The following PPFIA2 variants were observed in gnomAD, a reference collection of about 807,000 sequenced individuals.
PPFIA2 encodes PPFI scaffold protein A2, also known as liprin-alpha-2.
In PPFIA2, 46 loss-of-function variants were observed where a neutral mutation model predicts 175.5. The observed-to-expected ratio is 0.26, with a 90% CI of 0.21 to 0.34. The LOEUF is 0.34. PPFIA2 is among the 10% of genes least tolerant of loss of function. The pLI is 1.00. For missense variants in PPFIA2, 1,179 were observed against 1,506.1 expected, an observed-to-expected ratio of 0.78 and a Z score of 3.60; for synonymous variants, 568 against 511.4, an observed-to-expected ratio of 1.11 and a Z score of -1.49.
At chr12:81,492,364 ACTC>A (rs1448818770) in intron 4 of PPFIA2, among the ~76,000 whole-genome samples, 1 of 152,068 alleles carries the variant, frequency 6.6e-6, no homozygotes, top group Non-Finnish European at 1.5e-5. Flanking sequence ...AACAGATCAA[ACTC>A]CTTGCCCCTA....
intron 3 of PPFIA2, among the ~76,000 whole-genome samples, chr12:81,701,549 T>G (rs773537428): frequency 6.6e-5 from 10 of 152,140 alleles, no homozygotes; most frequent in Non-Finnish European, 1.5e-4. Flanking sequence ...CTCTGAAACT[T>G]TCTAAATGCA....
chr12:81,744,681 C>T (rs1195867881), intron 3 of PPFIA2, among the ~76,000 whole-genome samples: 2 of 152,160 alleles, frequency 1.3e-5, no homozygotes, highest in Non-Finnish European at 2.9e-5. Context: ...CCACCTTGGC[C>T]TCCCAAAGTG....
At chr12:81,302,226 T>A (rs1347269401) in intron 22 of PPFIA2, 2 of 406,578 alleles carry the variant, frequency 4.9e-6, no homozygotes, top group South Asian at 1.8e-5. Context: ...AAGAACAAAT[T>A]TTTTTCTTGC....
intron 15 of PPFIA2, among the ~76,000 whole-genome samples, chr12:81,358,794 A>G (rs139431471): frequency 6.6e-6 from 1 of 152,240 alleles, no homozygotes; most frequent in East Asian, 1.9e-4. Context: ...TCTTATTTTT[A>G]TAAAAGAAAA....
chr12:81,429,062 T>C (rs2047645123), intron 7 of PPFIA2, among the ~76,000 whole-genome samples: 1 of 151,944 alleles, frequency 6.6e-6, no homozygotes, highest in African/African-American at 2.4e-5. Flanking sequence ...TAACTGAAAA[T>C]TGGTCATGGA....
chr12:81,547,745 T>C (rs1173413634), intron 4 of PPFIA2, among the ~76,000 whole-genome samples: 2 of 152,126 alleles, frequency 1.3e-5, no homozygotes, highest in African/African-American at 4.8e-5. Context: ...GTGAGTAATA[T>C]TTTAACCAGA....
At chr12:81,341,776 A>C (rs2058128670) in intron 19 of PPFIA2, among the ~76,000 whole-genome samples, 1 of 152,132 alleles carries the variant, frequency 6.6e-6, no homozygotes, top group Non-Finnish European at 1.5e-5. Context: ...TAAACTCTTT[A>C]CAAAAAGGTA....
At chr12:81,290,423 A>G (rs1388624705) in intron 24 of PPFIA2, among the ~76,000 whole-genome samples, 3 of 151,878 alleles carry the variant, frequency 2.0e-5, no homozygotes, top group African/African-American at 7.2e-5. Flanking sequence ...GCTACCATGT[A>G]GAGTGAGTAG....
chr12:81,733,203 T>C (rs2081143020), intron 3 of PPFIA2, among the ~76,000 whole-genome samples: 1 of 151,598 alleles, frequency 6.6e-6, no homozygotes, highest in Admixed American at 6.6e-5. Context: ...AGAATATCTC[T>C]CTTTTTAGGT....
At chr12:81,603,882 T>G (rs2060034751) in intron 4 of PPFIA2, among the ~76,000 whole-genome samples, 1 of 151,406 alleles carries the variant, frequency 6.6e-6, no homozygotes, top group Non-Finnish European at 1.5e-5. Flanking sequence ...ACTGTTTTCC[T>G]TTCTCTTCCA....
At chr12:81,709,729 C>A (rs957411049) in intron 3 of PPFIA2, among the ~76,000 whole-genome samples, 4 of 152,022 alleles carry the variant, frequency 2.6e-5, no homozygotes, top group African/African-American at 9.7e-5. Context: ...ATTATCAAAT[C>A]TCCTGTGTTG....
chr12:81,331,109 C>G (rs562272654), intron 21 of PPFIA2, among the ~76,000 whole-genome samples: 1 of 152,314 alleles, frequency 6.6e-6, no homozygotes, highest in Admixed American at 6.5e-5. Flanking sequence ...TAGAAAAATA[C>G]AGTCATGCGC....
At chr12:81,698,763 TACAC>T (rs67686939) in intron 3 of PPFIA2, among the ~76,000 whole-genome samples, 2 of 132,094 alleles carry the variant, frequency 1.5e-5, no homozygotes, top group East Asian at 2.1e-4. Context: ...TAGTCCTTTA[TACAC>T]ACACACACAC....
At chr12:81,660,856 A>C (rs2068713222) in intron 4 of PPFIA2, among the ~76,000 whole-genome samples, 5 of 152,246 alleles carry the variant, frequency 3.3e-5, no homozygotes. Context: ...CTCTCGGCAG[A>C]AACTCTACAA....
chr12:81,413,021 G>T (rs1167784545), intron 7 of PPFIA2, among the ~76,000 whole-genome samples: 1 of 151,820 alleles, frequency 6.6e-6, no homozygotes, highest in Admixed American at 6.6e-5. Flanking sequence ...TCTTTCAGAT[G>T]AATTCGGGGA....
intron 4 of PPFIA2, among the ~76,000 whole-genome samples, chr12:81,667,301 C>T (rs1208205429): frequency 6.6e-6 from 1 of 152,058 alleles, no homozygotes; most frequent in African/African-American, 2.4e-5. Flanking sequence ...TTTACCTCAA[C>T]GAAAATAGAT....
intron 4 of PPFIA2, among the ~76,000 whole-genome samples, chr12:81,584,444 C>A (rs1356712254): frequency 6.6e-6 from 1 of 151,720 alleles, no homozygotes; most frequent in African/African-American, 2.4e-5. Flanking sequence ...GCTGGATCAT[C>A]TTAAAAAGAG....
At chr12:81,389,641 T>A (rs751171072) in intron 8 of PPFIA2, among the ~76,000 whole-genome samples, 2 of 152,090 alleles carry the variant, frequency 1.3e-5, no homozygotes, top group Non-Finnish European at 2.9e-5. Context: ...GAATAAAAAG[T>A]CATATTAAAA....
intron 4 of PPFIA2, among the ~76,000 whole-genome samples, chr12:81,555,665 TA>T (rs1275268928): frequency 2.0e-5 from 3 of 151,978 alleles, no homozygotes; most frequent in Non-Finnish European, 4.4e-5. Flanking sequence ...AATTTCTTTT[TA>T]TAGAGGATAA....
Sources: gnomAD v4.1 joint callset for allele counts (sites outside exome capture counted in the v4.1 genomes callset) on GRCh38, gnomAD v4.1.1 for gene constraint, MANE v1.5 for transcripts, NCBI Gene and HGNC (gene_info 2026-07-23, HGNC 2026-07-21) for gene names.